RAB33A: variants seen among roughly 807,000 people sequenced by gnomAD.
RAB33A encodes ras-related protein Rab-33A.
Under a neutral mutation model 12.0 loss-of-function variants are expected in RAB33A, and 6 were observed. The observed-to-expected ratio is 0.50, with a 90% CI of 0.27 to 0.99. RAB33A has a LOEUF of 0.99. RAB33A is among the 50% of genes least tolerant of loss of function. The pLI, the probability that RAB33A is intolerant of heterozygous loss-of-function variation, is 0.11. For synonymous variants in RAB33A, 70 were observed against 82.4 expected, an observed-to-expected ratio of 0.85 and a Z score of 0.81; for missense variants, 109 against 192.0, an observed-to-expected ratio of 0.57 and a Z score of 2.55.
At chrX:130,131,172 G>A in the RAB33A span, among the ~76,000 whole-genome samples, 2 of 111,363 alleles carry the variant, frequency 1.8e-5, no homozygotes, top group Admixed American at 1.9e-4. Flanking sequence ...CTGGCACTAA[G>A]ATCTGCCAAA....
the RAB33A span, among the ~76,000 whole-genome samples, chrX:130,143,983 G>A: frequency 4.7e-4 from 53 of 111,781 alleles, no homozygotes; most frequent in Admixed American, 4.1e-3. Context: ...CTAGCTATGT[G>A]AGTTTAGGCA....
the RAB33A span, chrX:130,130,000 G>A: frequency 3.3e-6 from 4 of 1,211,781 alleles, no homozygotes; most frequent in Middle Eastern, 2.3e-4. Flanking sequence ...GGTTAAAGAT[G>A]TTCCATAGCA....
chrX:130,165,852 G>C, the RAB33A span: 5 of 480,575 alleles, frequency 1.0e-5, no homozygotes, highest in Non-Finnish European at 1.9e-5. Context: ...GGCGACCGGA[G>C]GCCTACTGCG....
chrX:130,132,542 ACTTTT>A, the RAB33A span, among the ~76,000 whole-genome samples: 1 of 111,371 alleles, frequency 9.0e-6, no homozygotes, highest in African/African-American at 3.3e-5. Context: ...CTTAGCCTCC[ACTTTT>A]CTTTTTTTTA....
At chrX:130,134,033 C>T in the RAB33A span, among the ~76,000 whole-genome samples, 111 of 110,195 alleles carry the variant, frequency 1.0e-3, no homozygotes, top group Non-Finnish European at 2.0e-3. Flanking sequence ...ACAAGGAGTT[C>T]GAGACAAGCC....
chrX:130,165,757 C>G, the RAB33A span: 1 of 691,499 alleles, frequency 1.4e-6, no homozygotes, highest in Admixed American at 2.6e-5. Context: ...AGTCTCTTCA[C>G]ACGCACATTA....
chrX:130,146,744 C>T, the RAB33A span, among the ~76,000 whole-genome samples: 6 of 111,141 alleles, frequency 5.4e-5, no homozygotes, highest in African/African-American at 2.0e-4. Flanking sequence ...AATTCTAACA[C>T]AGGCTCTTCC....
At chrX:130,167,917 C>A (rs1368065670), upstream of RAB33A, among the ~76,000 whole-genome samples, 2 of 108,471 alleles carry the variant, frequency 1.8e-5, no homozygotes, top group Admixed American at 2.0e-4. Flanking sequence ...GTGGCTCATG[C>A]CTGTAATGCC....
intron 1 of RAB33A, among the ~76,000 whole-genome samples, chrX:130,180,888 A>C (rs1374113520): frequency 1.9e-5 from 2 of 102,943 alleles, no homozygotes; most frequent in African/African-American, 7.1e-5. Context: ...CACGCCTGTT[A>C]TCCCAGCTAC....
At chrX:130,149,447 C>G in the RAB33A span, 1 of 1,166,824 alleles carries the variant, frequency 8.6e-7, no homozygotes. Context: ...CAAATCATAG[C>G]AAGACTTAAG....
the RAB33A span, among the ~76,000 whole-genome samples, chrX:130,130,833 G>A: frequency 8.9e-6 from 1 of 112,072 alleles, no homozygotes; most frequent in African/African-American, 3.2e-5. Context: ...TAGGAAGGGG[G>A]CACCTTGCTG....
At chrX:130,169,195 G>A (rs1236235277), upstream of RAB33A, among the ~76,000 whole-genome samples, 1 of 88,304 alleles carries the variant, frequency 1.1e-5, no homozygotes, top group Non-Finnish European at 2.2e-5. Context: ...GTGACAGAGC[G>A]AGACTCCATC....
chrX:130,165,827 C>G, the RAB33A span: 1 of 510,835 alleles, frequency 2.0e-6, no homozygotes, highest in Non-Finnish European at 3.5e-6. Flanking sequence ...CCTGCTAGAG[C>G]CGGGGAAGGG....
At chrX:130,157,135 AT>A in the RAB33A span, among the ~76,000 whole-genome samples, 12 of 112,165 alleles carry the variant, frequency 1.1e-4, no homozygotes, top group Non-Finnish European at 1.9e-4. Flanking sequence ...AGAAAAAAAA[AT>A]TTTAATGAGT....
At chrX:130,168,206 T>C (rs1603233693), upstream of RAB33A, among the ~76,000 whole-genome samples, 1 of 106,980 alleles carries the variant, frequency 9.3e-6, no homozygotes, top group South Asian at 4.0e-4. Context: ...ATTACAAAGA[T>C]ACTCTTTTTT....
At chrX:130,179,860 G>T (rs1436377967) in intron 1 of RAB33A, among the ~76,000 whole-genome samples, 2 of 104,858 alleles carry the variant, frequency 1.9e-5, no homozygotes, top group East Asian at 6.0e-4. Flanking sequence ...GAAAAAGACT[G>T]CTTACAGTCT....
At chrX:130,126,683 A>T in the RAB33A span, among the ~76,000 whole-genome samples, 2 of 111,589 alleles carry the variant, frequency 1.8e-5, no homozygotes, top group Non-Finnish European at 3.8e-5. Flanking sequence ...GCATTTTTAC[A>T]GTCAGCCCTG....
the RAB33A span, among the ~76,000 whole-genome samples, chrX:130,163,265 G>A: frequency 2.9e-5 from 3 of 104,043 alleles, no homozygotes; most frequent in South Asian, 9.1e-4. Flanking sequence ...AGCCAAGATC[G>A]TGCCACTGCA....
At chrX:130,113,333 G>A in the RAB33A span, among the ~76,000 whole-genome samples, 4 of 109,275 alleles carry the variant, frequency 3.7e-5, no homozygotes, top group African/African-American at 6.7e-5. Flanking sequence ...CACCCGCCTC[G>A]GCCTCCTAAA....
Sources: allele counts gnomAD v4.1 joint callset (sites outside exome capture counted in the v4.1 genomes callset), GRCh38; gene constraint gnomAD v4.1.1; transcripts MANE v1.5; gene names NCBI Gene and HGNC (gene_info 2026-07-23, HGNC 2026-07-21).